Variants in ITGB1 observed in about 807,000 individuals in gnomAD.
The protein encoded by ITGB1 is integrin beta-1.
ITGB1 carries 24 observed loss-of-function variants against 86.5 expected under a neutral mutation model. That is an observed-to-expected ratio of 0.28 (90% CI 0.20 to 0.39). The LOEUF is 0.39. ITGB1 is among the 10% of genes least tolerant of loss of function. The probability of loss-of-function intolerance (pLI) is 1.00; values close to 1 mark genes in which losing one functional copy is unlikely to be tolerated. For missense variants in ITGB1, 556 were observed against 946.9 expected (o/e 0.59, Z 5.42); for synonymous variants, 323 against 316.8 (o/e 1.02, Z -0.21).
chr10:32,956,820 C>A (rs1407891927), intron 1 of ITGB1, among the ~76,000 whole-genome samples: 2 of 152,176 alleles, frequency 1.3e-5, no homozygotes, highest in African/African-American at 4.8e-5. Flanking sequence ...TTTTTAACAT[C>A]TTTTTACTAT....
chr10:32,908,354 GT>G lies in ITGB1; in HGVS notation c.2331+13del, dbSNP rs1189890960. On this transcript the variant is annotated intron_variant, in intron 15 of 15. Transcript: ENST00000302278. ...TTATAAGCCACTTTGCTTTTTGGAT[GT>G]TTTGTAACTTACCGTGTCCCATTTG... 2.5e-6 allele frequency: 4 copies of G among 1,613,198 alleles called. No individual in the cohort carries two copies. Among genetic ancestry groups the G allele is most frequent in the East Asian group, 2.2e-5 (1 of 44,866 alleles).
chr10:32,931,856 T>TATTC (rs1259506352), intron 3 of ITGB1, among the ~76,000 whole-genome samples: 4 of 152,090 alleles, frequency 2.6e-5, no homozygotes, highest in South Asian at 4.1e-4. Flanking sequence ...TCTTTTGATA[T>TATTC]ATTCATTCAT....
Position 32,907,181 on chromosome 10 carries a change from A to G in ITGB1, c.2331+1187T>C, listed in dbSNP as rs751107875. On this transcript the variant is annotated intron_variant, in intron 15 of 15. Transcript: ENST00000302278. The stretch of plus-strand genomic sequence containing the variant: ...AAATAGTTTCTAATGATTTCATCAG[A>G]AAAAAAAAATCCCTTTATAGTGTTT... The G allele has an allele frequency of 1.3e-5, 9 of 705,880 alleles. No individual in the cohort carries two copies. In the East Asian group the frequency reaches 2.4e-4, roughly 19 times the overall value. The allele number at this position is 705,880 out of a possible 1,614,324, so 43.7% of individuals were successfully genotyped here.
chr10:32,954,800 G>A lies in ITGB1; in HGVS notation c.-1+3345C>T, dbSNP rs143275497. Among the ~76,000 whole-genome samples the A allele has an allele frequency of 7.1e-3, 1,075 of 152,238 alleles. 8 individuals are homozygous for A. Among genetic ancestry groups the A allele is most frequent in the African/African-American group, 0.023 (958 of 41,532 alleles). ...GGCAGCTTTTCTCATGCACACACAC[G>A]TTTCATGAGGTGATATGCACACGCT... On this transcript the variant is annotated intron_variant, in intron 1 of 15. Transcript: ENST00000302278.
intron 3 of ITGB1, among the ~76,000 whole-genome samples, chr10:32,930,513 A>G (rs1593873027): frequency 6.6e-6 from 1 of 152,200 alleles, no homozygotes; most frequent in East Asian, 1.9e-4. Flanking sequence ...ACGAGCTTAA[A>G]AACATCTCAA....
chr10:32,910,562 G>A, intron 13 of ITGB1, 107 bp from the exon 14 acceptor site: 1 of 651,006 alleles, frequency 1.5e-6, no homozygotes, highest in South Asian at 2.5e-5. Context: ...TGAACAAACA[G>A]CTATGAAGGA....
chr10:32,910,537 C>G, intron 13 of ITGB1, 82 bp from the exon 14 acceptor site: 4 of 892,582 alleles, frequency 4.5e-6, no homozygotes, highest in Non-Finnish European at 6.8e-6. Flanking sequence ...CCATGCTAAA[C>G]TCTTGTGACC....
intron 3 of ITGB1, among the ~76,000 whole-genome samples, chr10:32,931,653 A>G (rs1045736909): frequency 6.6e-6 from 1 of 151,948 alleles, no homozygotes; most frequent in African/African-American, 2.4e-5. Context: ...AAAACCTCTC[A>G]TTTTTTCTTT....
chr10:32,927,712 T>C (rs1446158409), intron 5 of ITGB1, among the ~76,000 whole-genome samples: 1 of 152,108 alleles, frequency 6.6e-6, no homozygotes, highest in Non-Finnish European at 1.5e-5. Flanking sequence ...GAAAATCACT[T>C]GAACCCGGGA....
chr10:32,947,097 C>T (rs2095033054), intron 1 of ITGB1, among the ~76,000 whole-genome samples: 1 of 152,068 alleles, frequency 6.6e-6, no homozygotes, highest in Non-Finnish European at 1.5e-5. Context: ...CCCACCTCTG[C>T]CTCCCAAAGT....
At chr10:32,942,381 A>G (rs1479435015) in intron 1 of ITGB1, among the ~76,000 whole-genome samples, 2 of 152,216 alleles carry the variant, frequency 1.3e-5, no homozygotes. Flanking sequence ...AGAGCCTGCA[A>G]TGGTGAGAGC....
chr10:32,907,936 G>A (rs1271279942), intron 15 of ITGB1, among the ~76,000 whole-genome samples: 1 of 152,192 alleles, frequency 6.6e-6, no homozygotes, highest in East Asian at 1.9e-4. Flanking sequence ...CCTGGCCGAC[G>A]AGCTGCGAGT....
chr10:32,928,358 C>A, intron 4 of ITGB1, 94 bp from the exon 5 acceptor site: 1 of 603,964 alleles, frequency 1.7e-6, no homozygotes. Context: ...ACGGTAAACA[C>A]AATAAAATAA....
chr10:32,901,491 A>G lies in ITGB1; in HGVS notation c.*79T>C. On this transcript the variant is annotated 3_prime_UTR_variant, in exon 16 of 16. Transcript: ENST00000302278. Reference sequence around the variant, plus strand: ...TGCACATGAGTAAAACCATGGCAATATTGCCCTAAAGCTACCTAACTGTGA... The same window carrying G: ...TGCACATGAGTAAAACCATGGCAATGTTGCCCTAAAGCTACCTAACTGTGA... 8 of 879,370 alleles carry G rather than the reference A, an allele frequency of 9.1e-6. No homozygotes were observed. Among genetic ancestry groups the G allele is most frequent in the Non-Finnish European group, 1.4e-5 (8 of 552,550 alleles). 54.5% of individuals were successfully genotyped at this position (879,370 alleles called of 1,614,324 possible). A position where few individuals can be genotyped will look rare whatever the true frequency, so the allele number is the denominator to read the frequency against.
chr10:32,911,827 G>T, intron 12 of ITGB1, 59 bp downstream of exon 12: 2 of 1,497,880 alleles, frequency 1.3e-6, no homozygotes, highest in Non-Finnish European at 1.8e-6. Flanking sequence ...CTAAACTCAA[G>T]ATTTTTCGTG....
At position 32,922,249 on chromosome 10, in the gene ITGB1, G is replaced by A; in HGVS notation, c.1128+8C>T. 6.6e-7 allele frequency: 1 copy of A among 1,511,482 alleles called. No homozygotes were observed. The highest frequency in any genetic ancestry group is 1.1e-5 in the South Asian group (1 of 87,030). 93.6% of individuals were successfully genotyped at this position (1,511,482 alleles called of 1,614,324 possible). A position where few individuals can be genotyped will look rare whatever the true frequency, so the allele number is the denominator to read the frequency against. On this transcript the variant is annotated splice_region_variant and intron_variant, in intron 9 of 15. Transcript: ENST00000302278. ...GTCCAAAACTGATCTTATTTAAGAT[G>A]TACTCACATTGTATGCATCAATGAT...
chr10:32,944,626 T>C (rs1414793132), intron 1 of ITGB1: 10 of 598,314 alleles, frequency 1.7e-5, no homozygotes, highest in Non-Finnish European at 3.2e-5. Flanking sequence ...AGCTGAAAAA[T>C]CTCACTTAGT....
intron 11 of ITGB1, among the ~76,000 whole-genome samples, chr10:32,914,322 C>T (rs1226138974): frequency 2.6e-5 from 4 of 151,970 alleles, no homozygotes; most frequent in Admixed American, 2.6e-4. Flanking sequence ...CAATATTAAC[C>T]TTAAATGTAA....
intron 1 of ITGB1, among the ~76,000 whole-genome samples, chr10:32,942,031 C>T (rs2095019452): frequency 2.0e-5 from 3 of 151,664 alleles, no homozygotes; most frequent in South Asian, 2.1e-4. Context: ...AGGTGCTAAC[C>T]GAACTTATGA....
Sources: gnomAD v4.1 joint callset for allele counts (sites outside exome capture counted in the v4.1 genomes callset) on GRCh38, gnomAD v4.1.1 for gene constraint, MANE v1.5 for transcripts, NCBI Gene and HGNC (gene_info 2026-07-23, HGNC 2026-07-21) for gene names.